Variants in TRPS1 observed in about 807,000 individuals in gnomAD.
TRPS1 encodes transcriptional repressor GATA binding 1, also known as zinc finger transcription factor Trps1.
Under a neutral mutation model 101.2 loss-of-function variants are expected in TRPS1, and 6 were observed. That is an observed-to-expected ratio of 0.06 (90% CI 0.03 to 0.12). TRPS1 has a LOEUF of 0.12. Ranked by LOEUF, TRPS1 falls within the 10% of genes least tolerant of loss-of-function variation. TRPS1 has a pLI of 1.00. For missense variants in TRPS1, 1,363 were observed against 1,567.0 expected (o/e 0.87, Z 2.20); for synonymous variants, 578 against 589.8 (o/e 0.98, Z 0.29).
At chr8:115,457,502 T>G (rs566417942) in intron 5 of TRPS1, among the ~76,000 whole-genome samples, 2 of 152,104 alleles carry the variant, frequency 1.3e-5, no homozygotes, top group East Asian at 3.9e-4. Context: ...AGAGTTTCAG[T>G]TTTAGAAGAT....
chr8:115,588,349 A>C (rs1031932096), intron 4 of TRPS1, among the ~76,000 whole-genome samples: 2 of 152,216 alleles, frequency 1.3e-5, no homozygotes, highest in Non-Finnish European at 2.9e-5. Context: ...TTCTCTAAAC[A>C]AATTCTATCC....
chr8:115,429,151 G>T (rs992718797), intron 5 of TRPS1, among the ~76,000 whole-genome samples: 1 of 152,094 alleles, frequency 6.6e-6, no homozygotes, highest in African/African-American at 2.4e-5. Flanking sequence ...AACTCACCCA[G>T]TCAATTACAC....
At chr8:115,601,045 G>C (rs1252589502) in intron 4 of TRPS1, among the ~76,000 whole-genome samples, 2 of 152,036 alleles carry the variant, frequency 1.3e-5, no homozygotes, top group African/African-American at 4.8e-5. Context: ...CCATGCAACA[G>C]AATCGACACT....
intron 5 of TRPS1, among the ~76,000 whole-genome samples, chr8:115,479,991 G>A (rs1468315498): frequency 1.3e-5 from 2 of 152,110 alleles, no homozygotes; most frequent in African/African-American, 2.4e-5. Flanking sequence ...GCACATTAGA[G>A]GTGGGAGAAT....
At chr8:115,472,930 G>T (rs1814508587) in intron 5 of TRPS1, among the ~76,000 whole-genome samples, 1 of 152,120 alleles carries the variant, frequency 6.6e-6, no homozygotes, top group Admixed American at 6.5e-5. Context: ...GCTAAGCCTG[G>T]ACTTCATTGT....
In TRPS1 at chr8:115,558,338, T is replaced by C. The variant is rs117737274; in HGVS notation, c.2700+28663A>G. Among the ~76,000 whole-genome samples the C allele has an allele frequency of 9.9e-4, 150 of 152,262 alleles. 2 individuals carry two copies. In the East Asian group the frequency reaches 0.017, roughly 18 times the overall value. On this transcript the variant is annotated intron_variant, in intron 5 of 6. Transcript: ENST00000395715. ...TCCCACTGGCGTTCAATCAAAGCTC[T>C]TCAATTTCCAGATGATTATAAATGA...
intron 4 of TRPS1, 96 bp downstream of exon 4, chr8:115,603,777 A>C (rs1817961934): frequency 1.7e-5 from 24 of 1,398,938 alleles, no homozygotes; most frequent in South Asian, 2.5e-5. Context: ...AGTCATTGGA[A>C]TCACTCTCAA....
chr8:115,408,734 A>G lies in TRPS1; in HGVS notation c.*5289T>C, dbSNP rs2129714491. ...TACAAATTGAATTCTTTTTCTTAGC[A>G]ACATGAAATCATTCCATATGAAAGA... On this transcript the variant is annotated 3_prime_UTR_variant, in exon 7 of 7. Coordinates refer to ENST00000395715, the MANE Select transcript of TRPS1 (RefSeq NM_014112.5). The G allele has an allele frequency of 6.6e-6, 1 of 152,360 alleles. No homozygotes were observed. The highest frequency in any genetic ancestry group is 2.4e-5 in the African/African-American group (1 of 41,516). 9.4% of individuals were successfully genotyped at this position (152,360 alleles called of 1,614,324 possible). A position where few individuals can be genotyped will look rare whatever the true frequency, so the allele number is the denominator to read the frequency against.
At chr8:115,568,896 T>C (rs776097157) in intron 5 of TRPS1, among the ~76,000 whole-genome samples, 8 of 152,162 alleles carry the variant, frequency 5.3e-5, no homozygotes, top group Non-Finnish European at 1.0e-4. Context: ...CTTTCTCTTA[T>C]TGGCAGATGG....
intron 5 of TRPS1, among the ~76,000 whole-genome samples, chr8:115,535,267 T>TATATATAGCGC (rs1563582977): frequency 7.0e-6 from 1 of 142,780 alleles, no homozygotes; most frequent in Non-Finnish European, 1.5e-5. Context: ...ATATATAGCA[T>TATATATAGCGC]ATATATAGCA....
At chr8:115,579,158 T>C (rs927819677) in intron 5 of TRPS1, among the ~76,000 whole-genome samples, 2 of 152,126 alleles carry the variant, frequency 1.3e-5, no homozygotes, top group African/African-American at 4.8e-5. Flanking sequence ...AATAAATTAA[T>C]GGAAAGGTAG....
chr8:115,433,314 A>G (rs889955418), intron 5 of TRPS1, among the ~76,000 whole-genome samples: 3 of 152,070 alleles, frequency 2.0e-5, no homozygotes, highest in Admixed American at 6.6e-5. Flanking sequence ...AAGATAGTCA[A>G]TTTCAAGGGA....
At chr8:115,513,286 G>A (rs1188060728) in intron 5 of TRPS1, among the ~76,000 whole-genome samples, 2 of 151,650 alleles carry the variant, frequency 1.3e-5, no homozygotes, top group African/African-American at 4.8e-5. Flanking sequence ...AATGATTGGT[G>A]TTTCTTCTTG....
intron 3 of TRPS1, among the ~76,000 whole-genome samples, chr8:115,616,362 C>A (rs928907292): frequency 6.6e-6 from 1 of 152,072 alleles, no homozygotes; most frequent in Non-Finnish European, 1.5e-5. Flanking sequence ...GCACTTAAAC[C>A]GGGAAATCTT....
intron 3 of TRPS1, among the ~76,000 whole-genome samples, chr8:115,611,865 A>G (rs1818176491): frequency 6.6e-6 from 1 of 152,208 alleles, no homozygotes; most frequent in South Asian, 2.1e-4. Flanking sequence ...TGTTCTTACT[A>G]TTATCCTTTC....
chr8:115,607,226 C>A (rs556605229), intron 3 of TRPS1, among the ~76,000 whole-genome samples: 6 of 152,198 alleles, frequency 3.9e-5, no homozygotes, highest in Admixed American at 3.9e-4. Context: ...AGCATCCCAA[C>A]ATACTAAAAA....
At chr8:115,656,102 A>T (rs1811671037) in intron 1 of TRPS1, among the ~76,000 whole-genome samples, 1 of 152,148 alleles carries the variant, frequency 6.6e-6, no homozygotes, top group Non-Finnish European at 1.5e-5. Context: ...TGTATTAGAG[A>T]TACTAAGTTT....
intron 5 of TRPS1, among the ~76,000 whole-genome samples, chr8:115,525,787 T>A (rs573817449): frequency 5.3e-5 from 8 of 152,334 alleles, no homozygotes; most frequent in African/African-American, 1.9e-4. Context: ...GCACATACTA[T>A]AGAAAATTTC....
intron 5 of TRPS1, among the ~76,000 whole-genome samples, chr8:115,558,823 A>G (rs1278924043): frequency 1.3e-5 from 2 of 152,162 alleles, no homozygotes; most frequent in African/African-American, 4.8e-5. Flanking sequence ...ATGATAAAAC[A>G]ACTGCTATAA....
Sources: gnomAD v4.1 joint callset for allele counts (sites outside exome capture counted in the v4.1 genomes callset) on GRCh38, gnomAD v4.1.1 for gene constraint, MANE v1.5 for transcripts, NCBI Gene and HGNC (gene_info 2026-07-23, HGNC 2026-07-21) for gene names.